Variants in ATP10A observed in about 807,000 individuals in gnomAD.
The protein encoded by ATP10A is ATPase phospholipid transporting 10A (putative).
A neutral mutation model predicts 147.8 loss-of-function variants in ATP10A; 111 were observed. That is an observed-to-expected ratio of 0.75 (90% CI 0.64 to 0.88). The LOEUF (loss-of-function observed/expected upper bound fraction) is 0.88, where lower values mean the gene tolerates loss of function less well. ATP10A is among the 40% of genes least tolerant of loss of function. The pLI is 0.00. For synonymous variants in ATP10A, 875 were observed against 841.6 expected, an observed-to-expected ratio of 1.04 and a Z score of -0.69; for missense variants, 1,927 against 1,959.0, an observed-to-expected ratio of 0.98 and a Z score of 0.31.
intron 2 of ATP10A, among the ~76,000 whole-genome samples, chr15:25,743,567 A>C (rs562477125): frequency 9.2e-5 from 14 of 152,368 alleles, no homozygotes; most frequent in Admixed American, 9.1e-4. Context: ...TGTAGTTAAG[A>C]GGTTGAGTGG....
intron 17 of ATP10A, 95 bp downstream of exon 17, chr15:25,683,191 C>T: frequency 8.6e-7 from 1 of 1,162,290 alleles, no homozygotes. Context: ...CCAGGGTGTC[C>T]ATCTGAAGGG....
At chr15:25,804,182 GTGTT>G (rs1303796729) in intron 1 of ATP10A, among the ~76,000 whole-genome samples, 1 of 150,972 alleles carries the variant, frequency 6.6e-6, no homozygotes, top group Non-Finnish European at 1.5e-5. Context: ...ATGTGAGGCT[GTGTT>G]TGTATGTAGC....
chr15:25,862,299 G>T (rs1893796329), intron 1 of ATP10A: 1 of 516,784 alleles, frequency 1.9e-6, no homozygotes, highest in South Asian at 1.5e-5. Flanking sequence ...CAGGGGGCCA[G>T]GCTGGCTTTT....
chr15:25,850,981 G>C (rs780126608), intron 1 of ATP10A, among the ~76,000 whole-genome samples: 30 of 152,140 alleles, frequency 2.0e-4, no homozygotes, highest in Non-Finnish European at 4.0e-4. Flanking sequence ...TAGAAGCAGT[G>C]GTTTCCATGC....
At chr15:25,683,210 G>A in intron 17 of ATP10A, 76 bp downstream of exon 17, 1 of 1,391,752 alleles carries the variant, frequency 7.2e-7, no homozygotes, top group South Asian at 1.2e-5. Flanking sequence ...GGAGGCTGGG[G>A]GACTGGCACT....
intron 2 of ATP10A, among the ~76,000 whole-genome samples, chr15:25,745,310 A>G (rs532290380): frequency 6.6e-6 from 1 of 152,128 alleles, no homozygotes; most frequent in South Asian, 2.1e-4. Flanking sequence ...CAGAAATTGC[A>G]CCACTGCATT....
Position 25,684,339 on chromosome 15 carries a change from G to A in ATP10A, c.3292-853C>T, listed in dbSNP as rs183130711. ...TCTAACACTCATGAGCTATGTAGCTGGGCACAGAGCATGAACTCCTCAGTC... is the reference window on the plus strand; with the variant it reads ...TCTAACACTCATGAGCTATGTAGCTAGGCACAGAGCATGAACTCCTCAGTC... On this transcript the variant is annotated intron_variant, in intron 16 of 20. Transcript: ENST00000555815. Among the ~76,000 whole-genome samples, 5 of 152,314 alleles carry A rather than the reference G, an allele frequency of 3.3e-5. No homozygotes were observed. In the East Asian group the frequency reaches 5.8e-4, roughly 18 times the overall value.
intron 2 of ATP10A, among the ~76,000 whole-genome samples, chr15:25,767,089 C>T (rs966766807): frequency 2.6e-5 from 4 of 152,212 alleles, no homozygotes; most frequent in African/African-American, 9.6e-5. Flanking sequence ...ATCAAATTCC[C>T]TTCTGCCTGT....
intron 2 of ATP10A, among the ~76,000 whole-genome samples, chr15:25,763,288 A>G (rs565578447): frequency 1.1e-4 from 16 of 152,312 alleles, no homozygotes; most frequent in African/African-American, 3.8e-4. Context: ...GGGACTGGGC[A>G]TCCTTTTAAT....
At position 25,691,782 on chromosome 15, in the gene ATP10A, G is replaced by A; in HGVS notation, c.3098C>T (p.Ala1033Val). The A allele has an allele frequency of 1.9e-6, 3 of 1,614,112 alleles. No homozygotes were observed. Among genetic ancestry groups the A allele is most frequent in the Non-Finnish European group, 2.5e-6 (3 of 1,180,008 alleles). Residue 1033 changes from alanine to valine, a missense_variant, in exon 15 of 21, where the codon GCC (alanine) becomes GTC (valine). Physicochemically the swap from Ala to Val is moderately conservative, Grantham distance 64. Transcript: ENST00000555815. ...KAMTLAIGDG[A>V]NDVSMIQVAD... ...CACCTGGATCATGCTGACATCATTGGCTCCATCACCTAGAAACAGCACAGG... is the reference window on the plus strand; with the variant it reads ...CACCTGGATCATGCTGACATCATTGACTCCATCACCTAGAAACAGCACAGG...
chr15:25,815,488 T>C lies in ATP10A; in HGVS notation c.450-34265A>G, dbSNP rs949772019. On this transcript the variant is annotated intron_variant, in intron 1 of 20. Coordinates refer to ENST00000555815, the MANE Select transcript of ATP10A (RefSeq NM_024490.4). ...TACAGTGCATGGGCAGTCTATTTCA[T>C]GGGGGTGTCGAGATGCCAACCAGTG... Among the ~76,000 whole-genome samples the C allele has an allele frequency of 1.2e-3, 11 of 9,502 alleles. 1 individual carries two copies. Among genetic ancestry groups the C allele is most frequent in the African/African-American group, 2.4e-3 (9 of 3,808 alleles). The allele number at this position is 9,502 out of a possible 152,430, so 6.2% of individuals were successfully genotyped here.
chr15:25,769,504 A>G (rs1022066394), intron 2 of ATP10A, among the ~76,000 whole-genome samples: 15 of 151,282 alleles, frequency 9.9e-5, no homozygotes, highest in South Asian at 8.4e-4. Context: ...AAAAAAAAAA[A>G]AAAAAAAAAG....
chr15:25,807,730 A>G (rs1012873798), intron 1 of ATP10A, among the ~76,000 whole-genome samples: 7 of 152,126 alleles, frequency 4.6e-5, no homozygotes, highest in African/African-American at 1.7e-4. Flanking sequence ...TGAATCTGGG[A>G]GGCAGAGGTT....
intron 10 of ATP10A, chr15:25,710,018 C>T (rs533927883): frequency 6.6e-6 from 1 of 152,264 alleles, no homozygotes; most frequent in Non-Finnish European, 1.5e-5. Flanking sequence ...GTGTGGATCC[C>T]TAGAGGCATT....
intron 3 of ATP10A, among the ~76,000 whole-genome samples, chr15:25,731,075 C>T (rs1046447652): frequency 2.4e-4 from 37 of 152,188 alleles, no homozygotes; most frequent in Non-Finnish European, 3.4e-4. Context: ...TTAGTGACAG[C>T]CCTGCTGTCT....
At position 25,721,753 on chromosome 15, in the gene ATP10A, A is replaced by G; in HGVS notation, c.1267T>C (p.Tyr423His). 1 of 1,614,174 alleles carries G rather than the reference A, an allele frequency of 6.2e-7. No individual in the cohort carries two copies. Among genetic ancestry groups the G allele is most frequent in the Non-Finnish European group, 8.5e-7 (1 of 1,180,036 alleles). ...GTGCCAGTTTTATCTGAGAAAATGT[A>G]CTGTATCTGTCCTAAGTCTTCCGTG... is the stretch of plus-strand genomic sequence containing the variant. ...NITEDLGQIQ[Y>H]IFSDKTGTLT... Residue 423 changes from tyrosine to histidine, a missense_variant, in exon 7 of 21, where the codon TAC becomes CAC. Transcript: ENST00000555815.
intron 1 of ATP10A, among the ~76,000 whole-genome samples, chr15:25,856,131 G>A (rs4906794): frequency 0.46 from 70,045 of 152,106 alleles, 19,862 homozygotes; most frequent in Non-Finnish European, 0.6. Context: ...TACTGATATG[G>A]GTTGGCTCTC....
chr15:25,739,843 T>C (rs1167929018), intron 2 of ATP10A, among the ~76,000 whole-genome samples: 1 of 152,198 alleles, frequency 6.6e-6, no homozygotes, highest in East Asian at 1.9e-4. Context: ...CCTGACTAGG[T>C]GGAAAGAAAG....
At chr15:25,730,292 ACT>A (rs1902888937) in intron 3 of ATP10A, among the ~76,000 whole-genome samples, 1 of 142,830 alleles carries the variant, frequency 7.0e-6, no homozygotes, top group Non-Finnish European at 1.5e-5. Context: ...ACAGAGTGAG[ACT>A]CTGTCTCAAA....
Sources: allele counts gnomAD v4.1 joint callset (sites outside exome capture counted in the v4.1 genomes callset), GRCh38; gene constraint gnomAD v4.1.1; transcripts MANE v1.5; gene names NCBI Gene and HGNC (gene_info 2026-07-23, HGNC 2026-07-21).